Variants in CDH12 observed in about 807,000 individuals in gnomAD.
The protein encoded by CDH12 is cadherin-12.
Under a neutral mutation model 74.1 loss-of-function variants are expected in CDH12, and 41 were observed. The observed-to-expected ratio is 0.55, with a 90% confidence interval of 0.43 to 0.72. The LOEUF (loss-of-function observed/expected upper bound fraction) is 0.72, where lower values mean the gene tolerates loss of function less well. CDH12 is among the 30% of genes least tolerant of loss of function. CDH12 has a pLI of 0.00. For missense variants in CDH12, 945 were observed against 977.2 expected, an observed-to-expected ratio of 0.97 and a Z score of 0.44; for synonymous variants, 399 against 355.0, an observed-to-expected ratio of 1.12 and a Z score of -1.39.
chr5:22,145,193 C>A (rs1747079577), intron 4 of CDH12, among the ~76,000 whole-genome samples: 1 of 152,008 alleles, frequency 6.6e-6, no homozygotes, highest in Non-Finnish European at 1.5e-5. Context: ...CCATTTGTGA[C>A]AAAATCACAT....
chr5:22,434,622 C>A (rs1453801402), intron 2 of CDH12, among the ~76,000 whole-genome samples: 1 of 152,176 alleles, frequency 6.6e-6, no homozygotes, highest in African/African-American at 2.4e-5. Context: ...TGCATCTTAT[C>A]ATCATATTAA....
Position 21,842,338 on chromosome 5 carries a change from T to A in CDH12, c.647-10A>T. On this transcript the variant is annotated splice_polypyrimidine_tract_variant and intron_variant, in intron 7 of 14. Coordinates refer to ENST00000382254, the MANE Select transcript of CDH12 (RefSeq NM_004061.5). ...GCTGTTCTAATAACACCTTAAGGGA[T>A]AAAAGCAATAATGTAAAATAAATAT... The A allele has an allele frequency of 6.4e-7, 1 of 1,558,772 alleles. No individual in the cohort carries two copies. The highest frequency in any genetic ancestry group is 8.7e-7 in the Non-Finnish European group (1 of 1,147,466).
chr5:22,494,493 A>G (rs1183541717), intron 2 of CDH12, among the ~76,000 whole-genome samples: 1 of 152,258 alleles, frequency 6.6e-6, no homozygotes, highest in Non-Finnish European at 1.5e-5. Context: ...TCTTAAATGT[A>G]CATACAACTC....
chr5:22,334,161 C>T (rs184164353), intron 3 of CDH12, among the ~76,000 whole-genome samples: 1 of 151,840 alleles, frequency 6.6e-6, no homozygotes, highest in East Asian at 1.9e-4. Flanking sequence ...TAAAGGGCAT[C>T]CAAATTGGAA....
chr5:22,117,939 C>T (rs568630932), intron 4 of CDH12, among the ~76,000 whole-genome samples: 15 of 151,972 alleles, frequency 9.9e-5, no homozygotes, highest in South Asian at 6.2e-4. Flanking sequence ...ATCATTACTC[C>T]TATTTTACAG....
rs762448192 is a variant in CDH12 at position 21,789,535 on chromosome 5, A to T, written c.1257-6041T>A. On this transcript the variant is annotated intron_variant, in intron 10 of 14. Coordinates refer to ENST00000382254, the MANE Select transcript of CDH12 (RefSeq NM_004061.5). ...CGTCTTTTATTTTTTAAAGAAACAAATGTCATTTATTTTTGTTTCACTGGG... is the reference window on the plus strand; with the variant it reads ...CGTCTTTTATTTTTTAAAGAAACAATTGTCATTTATTTTTGTTTCACTGGG... Among the ~76,000 whole-genome samples, 38 of 152,082 alleles carry T rather than the reference A, an allele frequency of 2.5e-4. 1 individual carries two copies. Among genetic ancestry groups the T allele is most frequent in the Admixed American group, 3.3e-4 (5 of 15,236 alleles).
chr5:22,099,168 G>C (rs1167293285), intron 4 of CDH12, among the ~76,000 whole-genome samples: 1 of 152,098 alleles, frequency 6.6e-6, no homozygotes, highest in Admixed American at 6.5e-5. Context: ...GGTCTGAGAA[G>C]GCCACCACTG....
chr5:22,374,689 G>T (rs1424223570), intron 3 of CDH12, among the ~76,000 whole-genome samples: 1 of 151,754 alleles, frequency 6.6e-6, no homozygotes, highest in African/African-American at 2.4e-5. Context: ...AAGAAATCAA[G>T]AAGGCAATAT....
intron 3 of CDH12, among the ~76,000 whole-genome samples, chr5:22,325,306 G>C (rs935475421): frequency 6.6e-6 from 1 of 151,934 alleles, no homozygotes; most frequent in African/African-American, 2.4e-5. Flanking sequence ...AAACCTCAGA[G>C]CAAAAAGCCA....
At chr5:22,199,584 A>G (rs1750809209) in intron 4 of CDH12, among the ~76,000 whole-genome samples, 1 of 152,152 alleles carries the variant, frequency 6.6e-6, no homozygotes, top group African/African-American at 2.4e-5. Context: ...GCATAATTGG[A>G]CCTGCTCTTT....
intron 2 of CDH12, among the ~76,000 whole-genome samples, chr5:22,468,582 T>C (rs550365169): frequency 1.8e-3 from 271 of 152,308 alleles, no homozygotes; most frequent in Middle Eastern, 3.4e-3. Flanking sequence ...TATAAAAACA[T>C]TGTATACTAA....
At chr5:22,832,902 C>T (rs1280401232) in intron 1 of CDH12, among the ~76,000 whole-genome samples, 2 of 152,176 alleles carry the variant, frequency 1.3e-5, no homozygotes, top group African/African-American at 4.8e-5. Flanking sequence ...ACCTGATATG[C>T]ATCTTCAGCG....
intron 4 of CDH12, among the ~76,000 whole-genome samples, chr5:22,101,102 A>T (rs779836202): frequency 1.3e-5 from 2 of 152,138 alleles, no homozygotes; most frequent in Non-Finnish European, 2.9e-5. Context: ...GTGACGCACC[A>T]AGAAAATAAA....
intron 1 of CDH12, among the ~76,000 whole-genome samples, chr5:22,819,774 A>G (rs1749574613): frequency 6.6e-6 from 1 of 151,050 alleles, no homozygotes; most frequent in Non-Finnish European, 1.5e-5. Context: ...ATCAGAATAA[A>G]TGGTCATAGA....
rs1219416274 is a variant in CDH12 at position 22,642,372 on chromosome 5, G to C, written c.-522-137008C>G. Reference sequence around the variant, plus strand: ...TTTCTTTAGAAGTCATGAACTCTAAGTCTTTCTGCTTCATTTGGTCTGATT... The same window carrying C: ...TTTCTTTAGAAGTCATGAACTCTAACTCTTTCTGCTTCATTTGGTCTGATT... On this transcript the variant is annotated intron_variant, in intron 1 of 14. Coordinates refer to ENST00000382254, the MANE Select transcript of CDH12 (RefSeq NM_004061.5). Among the ~76,000 whole-genome samples the C allele has an allele frequency of 1.3e-5, 2 of 152,152 alleles. 1 individual carries two copies. Among genetic ancestry groups the C allele is most frequent in the South Asian group, 4.1e-4 (2 of 4,828 alleles).
intron 1 of CDH12, among the ~76,000 whole-genome samples, chr5:22,784,561 C>G (rs966814839): frequency 4.6e-5 from 7 of 152,080 alleles, no homozygotes; most frequent in African/African-American, 1.7e-4. Flanking sequence ...TCTCAAAGTC[C>G]TACTAAAATT....
chr5:22,025,769 T>G (rs983954842), intron 5 of CDH12, among the ~76,000 whole-genome samples: 1 of 152,180 alleles, frequency 6.6e-6, no homozygotes, highest in South Asian at 2.1e-4. Flanking sequence ...TGTAATATTC[T>G]AAATTCTTTA....
At chr5:22,393,253 A>T (rs983384601) in intron 3 of CDH12, among the ~76,000 whole-genome samples, 5 of 152,106 alleles carry the variant, frequency 3.3e-5, no homozygotes, top group East Asian at 1.9e-4. Flanking sequence ...CAATTTTACC[A>T]AAAAAAGGAA....
rs1207307885 is a variant in CDH12 at position 21,880,467 on chromosome 5, T to TTTCCTTCC, written c.527-25685_527-25678dup. ...CCTTCTTTCCTTCCTTCCTTCCTTC[T>TTTCCTTCC]TTCCTTCCTTCCTTCCTTCCTTCCT... On this transcript the variant is annotated intron_variant, in intron 6 of 14. Transcript: ENST00000382254. 3.8e-3 allele frequency among the ~76,000 whole-genome samples: 322 copies of TTTCCTTCC among 84,874 alleles called. 21 individuals carry two copies. The highest frequency in any genetic ancestry group is 0.014 in the African/African-American group (304 of 21,898). 55.7% of individuals were successfully genotyped at this position (84,874 alleles called of 152,430 possible).
Sources: allele counts gnomAD v4.1 joint callset (sites outside exome capture counted in the v4.1 genomes callset), GRCh38; gene constraint gnomAD v4.1.1; transcripts MANE v1.5; gene names NCBI Gene and HGNC (gene_info 2026-07-23, HGNC 2026-07-21).